LRPPRC: variants seen among roughly 807,000 people sequenced by gnomAD.
LRPPRC encodes the protein leucine rich pentatricopeptide repeat containing.
A neutral mutation model predicts 180.3 loss-of-function variants in LRPPRC; 120 were observed. That is an observed-to-expected ratio of 0.67 (90% CI 0.57 to 0.77). The LOEUF (loss-of-function observed/expected upper bound fraction) is 0.77, where lower values mean the gene tolerates loss of function less well. Ranked by LOEUF, LRPPRC falls within the 30% of genes least tolerant of loss-of-function variation. The pLI, the probability that LRPPRC is intolerant of heterozygous loss-of-function variation, is 0.00. For missense variants in LRPPRC, 2,012 were observed against 1,657.2 expected, an observed-to-expected ratio of 1.21 and a Z score of -3.72; for synonymous variants, 723 against 600.0, an observed-to-expected ratio of 1.21 and a Z score of -3.00.
At chr2:43,961,594 T>A (rs1002371877) in intron 12 of LRPPRC, among the ~76,000 whole-genome samples, 1 of 152,198 alleles carries the variant, frequency 6.6e-6, no homozygotes, top group African/African-American at 2.4e-5. Context: ...CTCTAATTTA[T>A]CAACAAACAT....
chr2:43,974,326 A>G (rs368145745), intron 8 of LRPPRC, 31 bp from the exon 9 acceptor site: 6 of 1,535,884 alleles, frequency 3.9e-6, no homozygotes, highest in Non-Finnish European at 5.4e-6. Context: ...TCTTTTGTTA[A>G]TAAACTGAAC....
At chr2:43,897,984 CTTT>C (rs1210046576) in intron 34 of LRPPRC, among the ~76,000 whole-genome samples, 1 of 137,990 alleles carries the variant, frequency 7.2e-6, no homozygotes, top group Admixed American at 7.6e-5. Flanking sequence ...TATCTTCCTT[CTTT>C]TTTTTTTCAC....
intron 27 of LRPPRC, among the ~76,000 whole-genome samples, chr2:43,922,533 G>T (rs1671733055): frequency 6.6e-6 from 1 of 152,188 alleles, no homozygotes; most frequent in Non-Finnish European, 1.5e-5. Context: ...GCCAAGGCGG[G>T]TGGATCACAA....
At chr2:43,950,909 G>C (rs1176288703) in intron 14 of LRPPRC, among the ~76,000 whole-genome samples, 1 of 152,120 alleles carries the variant, frequency 6.6e-6, no homozygotes. Context: ...GTCTCCACTA[G>C]AAGTAGAAAA....
chr2:43,891,851 G>T (rs760469272), intron 36 of LRPPRC, among the ~76,000 whole-genome samples: 1 of 152,242 alleles, frequency 6.6e-6, no homozygotes, highest in African/African-American at 2.4e-5. Flanking sequence ...TTCTTGCGTG[G>T]AACAGCCAGT....
In LRPPRC at chr2:43,990,647, C is replaced by G. The variant is rs187561289; in HGVS notation, c.149+5152G>C. On this transcript the variant is annotated intron_variant, in intron 1 of 37. Transcript: ENST00000260665. Reference sequence around the variant, plus strand: ...ATCCACTACCATGTGTCCTCTAAAACTCAATGTCCCCCTGCCATAAAACAA... The same window carrying G: ...ATCCACTACCATGTGTCCTCTAAAAGTCAATGTCCCCCTGCCATAAAACAA... Among the ~76,000 whole-genome samples, 3 of 152,286 alleles carry G rather than the reference C, an allele frequency of 2.0e-5. No individual in the cohort carries two copies. In the East Asian group the frequency reaches 5.8e-4, roughly 29 times the overall value.
chr2:43,947,192 G>T, intron 20 of LRPPRC, 65 bp downstream of exon 20: 1 of 719,912 alleles, frequency 1.4e-6, no homozygotes, highest in African/African-American at 1.8e-5. Context: ...ATTATATTTG[G>T]TTTTTCTTAT....
chr2:43,928,665 T>G (rs902804527), intron 25 of LRPPRC, among the ~76,000 whole-genome samples: 1 of 151,998 alleles, frequency 6.6e-6, no homozygotes, highest in African/African-American at 2.4e-5. Context: ...ATAGGAGAAC[T>G]GCTTGAGGCC....
chr2:43,927,106 AG>A (rs1671907671), intron 25 of LRPPRC, among the ~76,000 whole-genome samples: 1 of 152,194 alleles, frequency 6.6e-6, no homozygotes, highest in Non-Finnish European at 1.5e-5. Context: ...ATCATCTGCA[AG>A]AGGGCTTCAC....
In LRPPRC at chr2:43,991,283, C is replaced by T. The variant is rs1176715237; in HGVS notation, c.149+4516G>A. 3.3e-5 allele frequency among the ~76,000 whole-genome samples: 5 copies of T among 152,220 alleles called. No homozygotes were observed. The East Asian group carries it at 9.7e-4, about 29-fold the overall frequency. On this transcript the variant is annotated intron_variant, in intron 1 of 37. Transcript: ENST00000260665. Reference sequence around the variant, plus strand: ...CTGACCTCAAGTGATCTGCCCGCCTCGGCCTCCCAAAGTGCTGGGATTATG... The same window carrying T: ...CTGACCTCAAGTGATCTGCCCGCCTTGGCCTCCCAAAGTGCTGGGATTATG...
intron 23 of LRPPRC, among the ~76,000 whole-genome samples, chr2:43,941,269 T>G (rs1251332093): frequency 1.3e-5 from 2 of 152,206 alleles, no homozygotes; most frequent in Non-Finnish European, 2.9e-5. Flanking sequence ...TTAAAGAGAT[T>G]ATCTTTCTAA....
At chr2:43,972,982 C>G (rs755561191) in intron 11 of LRPPRC, among the ~76,000 whole-genome samples, 3 of 152,190 alleles carry the variant, frequency 2.0e-5, no homozygotes, top group Non-Finnish European at 4.4e-5. Flanking sequence ...ATACTGTACT[C>G]TAAAATTTAA....
chr2:43,993,105 T>C (rs1293593096), intron 1 of LRPPRC, among the ~76,000 whole-genome samples: 2 of 152,060 alleles, frequency 1.3e-5, no homozygotes, highest in Non-Finnish European at 2.9e-5. Flanking sequence ...CCAAGAAAAG[T>C]GTCTCATGAA....
intron 13 of LRPPRC, chr2:43,958,931 TAAAC>T (rs1291007494): frequency 4.1e-5 from 14 of 339,490 alleles, no homozygotes; most frequent in East Asian, 3.6e-4. Flanking sequence ...TTAAATCTAA[TAAAC>T]AACCTCTTGA....
At chr2:43,896,217 TC>T (rs772339427) in intron 35 of LRPPRC, 5,250 of 100,476 alleles carry the variant, frequency 0.052, 73 homozygotes, top group East Asian at 0.17. Flanking sequence ...TTTCTTTCTT[TC>T]TTTCTTTTTT....
intron 25 of LRPPRC, among the ~76,000 whole-genome samples, chr2:43,929,521 A>AT (rs1024920726): frequency 1.1e-4 from 17 of 151,966 alleles, no homozygotes; most frequent in African/African-American, 2.2e-4. Context: ...CTTTTTCTTA[A>AT]TTTTTTTCAG....
chr2:43,990,662 C>A (rs751167817), intron 1 of LRPPRC, among the ~76,000 whole-genome samples: 4 of 152,110 alleles, frequency 2.6e-5, no homozygotes, highest in Non-Finnish European at 5.9e-5. Flanking sequence ...TGTCCCCCTG[C>A]CATAAAACAA....
At chr2:43,895,756 T>G (rs896266542) in intron 35 of LRPPRC, among the ~76,000 whole-genome samples, 1 of 152,142 alleles carries the variant, frequency 6.6e-6, no homozygotes, top group African/African-American at 2.4e-5. Context: ...AAAACAAGCA[T>G]CACAGTTGGC....
intron 37 of LRPPRC, 112 bp downstream of exon 37, chr2:43,889,622 C>A (rs1156315435): frequency 1.1e-6 from 1 of 947,128 alleles, no homozygotes; most frequent in Non-Finnish European, 1.7e-6. Context: ...GGGCTCTTCA[C>A]AGAGATCTAA....
Sources: allele counts gnomAD v4.1 joint callset (sites outside exome capture counted in the v4.1 genomes callset), GRCh38; gene constraint gnomAD v4.1.1; transcripts MANE v1.5; gene names NCBI Gene and HGNC (gene_info 2026-07-23, HGNC 2026-07-21).